The following LPP variants were observed in gnomAD, a reference collection of about 807,000 sequenced individuals.
LPP encodes LIM domain containing preferred translocation partner in lipoma.
LPP carries 38 observed loss-of-function variants against 60.4 expected under a neutral mutation model. The observed-to-expected ratio is 0.63, with a 90% confidence interval of 0.49 to 0.83. LPP has a LOEUF of 0.83. Ranked by LOEUF, LPP falls within the 40% of genes least tolerant of loss-of-function variation. The probability of loss-of-function intolerance (pLI) is 0.00; values close to 1 mark genes in which losing one functional copy is unlikely to be tolerated. For synonymous variants in LPP, 328 were observed against 290.8 expected (o/e 1.13, Z -1.30); for missense variants, 902 against 783.6 (o/e 1.15, Z -1.80).
chr3:188,754,396 T>C (rs1729465203), intron 8 of LPP, among the ~76,000 whole-genome samples: 1 of 152,198 alleles, frequency 6.6e-6, no homozygotes, highest in African/African-American at 2.4e-5. Context: ...TGTATTATGA[T>C]GCGTTAGGAA....
chr3:188,453,510 C>T (rs553617035), intron 4 of LPP, among the ~76,000 whole-genome samples: 4 of 152,098 alleles, frequency 2.6e-5, no homozygotes, highest in South Asian at 2.1e-4. Flanking sequence ...GATCTCCTTC[C>T]GACGGGATCT....
chr3:188,669,096 A>C (rs2149228316), intron 7 of LPP, among the ~76,000 whole-genome samples: 1 of 152,286 alleles, frequency 6.6e-6, no homozygotes, highest in African/African-American at 2.4e-5. Context: ...TGATTTTCAG[A>C]AAATTGAGAA....
At chr3:188,722,015 C>T (rs1028699889) in intron 8 of LPP, among the ~76,000 whole-genome samples, 1 of 152,138 alleles carries the variant, frequency 6.6e-6, no homozygotes, top group Non-Finnish European at 1.5e-5. Context: ...AAAGCAGCTG[C>T]CCCATATAAA....
At chr3:188,282,843 C>G (rs551862934) in intron 2 of LPP, among the ~76,000 whole-genome samples, 52 of 152,288 alleles carry the variant, frequency 3.4e-4, no homozygotes, top group African/African-American at 1.3e-3. Flanking sequence ...GAGATACTTT[C>G]ATACACCACC....
At chr3:188,441,173 G>A (rs1255532539) in intron 4 of LPP, among the ~76,000 whole-genome samples, 1 of 152,098 alleles carries the variant, frequency 6.6e-6, no homozygotes, top group Non-Finnish European at 1.5e-5. Context: ...GGTTGACACT[G>A]CAGAGATGAT....
chr3:188,761,870 A>G (rs1732469100), intron 9 of LPP, among the ~76,000 whole-genome samples: 1 of 152,200 alleles, frequency 6.6e-6, no homozygotes, highest in Admixed American at 6.5e-5. Context: ...TTTTAAACAG[A>G]CTAAACCGGG....
chr3:188,757,889 G>GTTTTTTTTTTTTTTTTTGTTTT (rs1730830146), intron 8 of LPP, among the ~76,000 whole-genome samples: 1 of 78,740 alleles, frequency 1.3e-5, no homozygotes, highest in Admixed American at 1.6e-4. Context: ...TGTTTTTTTG[G>GTTTTTTTTTTTTTTTTTGTTTT]TTTTTTTTTT....
intron 9 of LPP, among the ~76,000 whole-genome samples, chr3:188,772,433 G>A (rs964995941): frequency 6.6e-6 from 1 of 152,174 alleles, no homozygotes; most frequent in Non-Finnish European, 1.5e-5. Context: ...ACACACTCCA[G>A]TACTGACAGG....
intron 6 of LPP, among the ~76,000 whole-genome samples, chr3:188,585,700 T>C (rs1837283724): frequency 6.6e-6 from 1 of 152,274 alleles, no homozygotes; most frequent in African/African-American, 2.4e-5. Context: ...CTGCTATTAC[T>C]GTATATTTAT....
At chr3:188,539,709 A>G (rs1824619156) in intron 6 of LPP, among the ~76,000 whole-genome samples, 1 of 152,188 alleles carries the variant, frequency 6.6e-6, no homozygotes, top group South Asian at 2.1e-4. Context: ...TGTGTGTTTA[A>G]TGTGAAAATA....
intron 7 of LPP, among the ~76,000 whole-genome samples, chr3:188,653,270 A>T (rs1852460109): frequency 6.6e-6 from 1 of 152,170 alleles, no homozygotes; most frequent in Non-Finnish European, 1.5e-5. Context: ...GACTTCCCTC[A>T]TTGAGCTGTT....
chr3:188,623,031 A>G (rs76119645), intron 7 of LPP, among the ~76,000 whole-genome samples: 2 of 109,504 alleles, frequency 1.8e-5, no homozygotes, highest in African/African-American at 3.5e-5. Flanking sequence ...CCATCTTAAA[A>G]AAAAAAAAAA....
chr3:188,257,448 G>A lies in LPP; in HGVS notation c.-67+31921G>A, dbSNP rs1047864188. 3.9e-5 allele frequency among the ~76,000 whole-genome samples: 6 copies of A among 152,282 alleles called. No homozygotes were observed. The East Asian group carries it at 9.7e-4, about 25-fold the overall frequency. Reference sequence around the variant, plus strand: ...GAATAGAGAAAAGACAAGATTTAACGACAGTTAAAGTCCAAGCCAGTTTGT... The same window carrying A: ...GAATAGAGAAAAGACAAGATTTAACAACAGTTAAAGTCCAAGCCAGTTTGT... On this transcript the variant is annotated intron_variant, in intron 2 of 11. Coordinates refer to ENST00000617246, the MANE Select transcript of LPP (RefSeq NM_001375462.1).
intron 6 of LPP, among the ~76,000 whole-genome samples, chr3:188,579,776 A>G (rs915532415): frequency 6.7e-6 from 1 of 150,078 alleles, no homozygotes; most frequent in African/African-American, 2.5e-5. Context: ...CCTGGGCAAC[A>G]TAGTCAGATC....
intron 6 of LPP, among the ~76,000 whole-genome samples, chr3:188,529,421 C>CT (rs1821550651): frequency 6.6e-6 from 1 of 152,132 alleles, no homozygotes; most frequent in Non-Finnish European, 1.5e-5. Flanking sequence ...GTGTTGTAAG[C>CT]TTTTTTGAAT....
At chr3:188,360,217 C>G (rs951388509) in intron 3 of LPP, among the ~76,000 whole-genome samples, 10 of 152,146 alleles carry the variant, frequency 6.6e-5, no homozygotes, top group Admixed American at 1.3e-4. Context: ...AATTAGGAAT[C>G]CCACCCTCAG....
intron 1 of LPP, among the ~76,000 whole-genome samples, chr3:188,203,586 T>TTTAA (rs1373610304): frequency 1.5e-4 from 16 of 108,412 alleles, no homozygotes; most frequent in African/African-American, 5.5e-4. Flanking sequence ...TAAATATATA[T>TTTAA]ATATTTAAAT....
intron 6 of LPP, among the ~76,000 whole-genome samples, chr3:188,534,846 G>GTAAC: frequency 6.6e-6 from 1 of 152,292 alleles, no homozygotes; most frequent in South Asian, 2.1e-4. Flanking sequence ...TTCATGGTGA[G>GTAAC]TAACTGGTTT....
At chr3:188,698,132 G>T (rs1863666444) in intron 7 of LPP, among the ~76,000 whole-genome samples, 1 of 151,708 alleles carries the variant, frequency 6.6e-6, no homozygotes, top group Non-Finnish European at 1.5e-5. Flanking sequence ...CCCGACATTA[G>T]AGCAACTAGC....
Sources: gnomAD v4.1 joint callset for allele counts (sites outside exome capture counted in the v4.1 genomes callset) on GRCh38, gnomAD v4.1.1 for gene constraint, MANE v1.5 for transcripts, NCBI Gene and HGNC (gene_info 2026-07-23, HGNC 2026-07-21) for gene names.